Variants in FAM20B observed in about 807,000 individuals in gnomAD.
The protein encoded by FAM20B is glycosaminoglycan xylosylkinase.
Under a neutral mutation model 43.8 loss-of-function variants are expected in FAM20B, and 23 were observed. That is an observed-to-expected ratio of 0.53 (90% CI 0.38 to 0.74). The LOEUF (loss-of-function observed/expected upper bound fraction) is 0.74, where lower values mean the gene tolerates loss of function less well. Among genes scored for constraint, FAM20B ranks in the 30% least tolerant of loss-of-function variants. The probability of loss-of-function intolerance (pLI) is 0.00; values close to 1 mark genes in which losing one functional copy is unlikely to be tolerated. For synonymous variants in FAM20B, 178 were observed against 192.4 expected (o/e 0.93, Z 0.62); for missense variants, 440 against 510.5 (o/e 0.86, Z 1.33).
chr1:179,035,127 T>C (rs1650167355), intron 1 of FAM20B, among the ~76,000 whole-genome samples: 1 of 152,186 alleles, frequency 6.6e-6, no homozygotes, highest in African/African-American at 2.4e-5. Context: ...AGGCCAGGTG[T>C]TCTCATGTTC....
intron 2 of FAM20B, among the ~76,000 whole-genome samples, chr1:179,048,573 A>G (rs1650876488): frequency 6.6e-6 from 1 of 152,246 alleles, no homozygotes; most frequent in African/African-American, 2.4e-5. Flanking sequence ...TAAAGTATTC[A>G]AGGATAGCCT....
intron 1 of FAM20B, among the ~76,000 whole-genome samples, chr1:179,041,367 T>C (rs982564783): frequency 7.2e-5 from 11 of 151,980 alleles, no homozygotes; most frequent in African/African-American, 2.4e-4. Context: ...CTGGGCACCA[T>C]TGAGCACTGA....
At chr1:179,044,322 CT>C in intron 2 of FAM20B, 98 bp downstream of exon 2, 1 of 1,381,532 alleles carries the variant, frequency 7.2e-7, no homozygotes, top group Non-Finnish European at 9.8e-7. Flanking sequence ...TTGGAAGTCT[CT>C]TCAGTAAAAT....
intron 6 of FAM20B, 95 bp downstream of exon 6, chr1:179,064,591 T>C (rs1298259543): frequency 6.3e-6 from 6 of 952,100 alleles, no homozygotes; most frequent in East Asian, 5.2e-5. Flanking sequence ...CAGAATGCAA[T>C]TGATAGGCAA....
At chr1:179,027,360 G>A (rs1322462119) in intron 1 of FAM20B, among the ~76,000 whole-genome samples, 1 of 152,190 alleles carries the variant, frequency 6.6e-6, no homozygotes, top group East Asian at 1.9e-4. Flanking sequence ...TTTGAGCTAA[G>A]CTTAGAGCAC....
intron 1 of FAM20B, among the ~76,000 whole-genome samples, chr1:179,026,418 G>A (rs1167886039): frequency 6.6e-6 from 1 of 152,076 alleles, no homozygotes; most frequent in African/African-American, 2.4e-5. Context: ...GGGCCCACCT[G>A]GGGCCGCCTC....
Position 179,035,764 on chromosome 1 carries a change from C to T in FAM20B, c.-133-7951C>T, listed in dbSNP as rs903023959. The stretch of plus-strand genomic sequence containing the variant: ...CTCCCAAAACAACTTCATAGTCTTA[C>T]GTTTGCCCTTATACAATATTTATCA... On this transcript the variant is annotated intron_variant, in intron 1 of 7. Transcript: ENST00000263733. The T allele has an allele frequency of 3.9e-5, 11 of 281,552 alleles. 1 individual carries two copies. The highest frequency in any genetic ancestry group is 2.7e-4 in the South Asian group (7 of 25,982). 17.4% of individuals were successfully genotyped at this position (281,552 alleles called of 1,614,324 possible). A position where few individuals can be genotyped will look rare whatever the true frequency, so the allele number is the denominator to read the frequency against.
chr1:179,046,999 A>T (rs1650801817), intron 2 of FAM20B, among the ~76,000 whole-genome samples: 1 of 152,172 alleles, frequency 6.6e-6, no homozygotes, highest in South Asian at 2.1e-4. Flanking sequence ...CCGTCTCAAA[A>T]AAAAAGAGAT....
At chr1:179,025,206 T>A (rs1194507754), upstream of FAM20B, among the ~76,000 whole-genome samples, 1 of 152,216 alleles carries the variant, frequency 6.6e-6, no homozygotes, top group Admixed American at 6.5e-5. Context: ...GGTCGGGCAT[T>A]GGCGACCCAG....
intron 2 of FAM20B, among the ~76,000 whole-genome samples, chr1:179,049,538 A>G (rs1283851770): frequency 6.6e-6 from 1 of 152,126 alleles, no homozygotes; most frequent in Non-Finnish European, 1.5e-5. Flanking sequence ...CATTCTGGTA[A>G]GCAAAAGTTT....
At chr1:179,063,138 A>G (rs760183040) in intron 4 of FAM20B, among the ~76,000 whole-genome samples, 15 of 152,154 alleles carry the variant, frequency 9.9e-5, no homozygotes, top group Non-Finnish European at 1.8e-4. Flanking sequence ...TTAGCCAAGC[A>G]TGGTGGCATG....
chr1:179,053,724 G>T (rs1327375394), intron 3 of FAM20B, among the ~76,000 whole-genome samples: 1 of 152,168 alleles, frequency 6.6e-6, no homozygotes, highest in African/African-American at 2.4e-5. Flanking sequence ...CTGGGGAAAA[G>T]GTTCATGATA....
At chr1:179,037,079 G>C (rs887543501) in intron 1 of FAM20B, among the ~76,000 whole-genome samples, 1 of 152,234 alleles carries the variant, frequency 6.6e-6, no homozygotes, top group African/African-American at 2.4e-5. Flanking sequence ...TAACTTGGAA[G>C]CTATTTAGGA....
intron 2 of FAM20B, among the ~76,000 whole-genome samples, chr1:179,047,659 A>G (rs1374930397): frequency 6.6e-6 from 1 of 152,230 alleles, no homozygotes. Context: ...ATCAGGAAAT[A>G]TCACAGGCTG....
intron 6 of FAM20B, 31 bp downstream of exon 6, chr1:179,064,527 A>T (rs773987516): frequency 6.4e-7 from 1 of 1,568,414 alleles, no homozygotes; most frequent in Non-Finnish European, 8.7e-7. Context: ...CTTGTCAGGG[A>T]GGGGTTTCTG....
At chr1:179,019,280 G>A in the FAM20B span, among the ~76,000 whole-genome samples, 1 of 152,180 alleles carries the variant, frequency 6.6e-6, no homozygotes, top group Non-Finnish European at 1.5e-5. Context: ...CAGTGGTTGG[G>A]TGGCTGGAAG....
chr1:179,039,517 A>AT (rs533054141), intron 1 of FAM20B, among the ~76,000 whole-genome samples: 139 of 152,126 alleles, frequency 9.1e-4, no homozygotes, highest in African/African-American at 3.3e-3. Flanking sequence ...GTATGGGCAT[A>AT]TTTTTTTCCC....
At chr1:179,025,579 A>G (rs1217398010), upstream of FAM20B, among the ~76,000 whole-genome samples, 1 of 152,202 alleles carries the variant, frequency 6.6e-6, no homozygotes, top group Non-Finnish European at 1.5e-5. Flanking sequence ...GCAGGAAAGA[A>G]AAAGAGAAGA....
rs2102531775 is a variant in FAM20B, at chr1:179,072,726, T to TTTAA, written c.*583_*586dup. On this transcript the variant is annotated 3_prime_UTR_variant, in exon 8 of 8. Transcript: ENST00000263733. ...ACAAAAACAGAAAAATGTTTGGGCT[T>TTTAA]TTAAGCCATTGGGTAGTATTGTTTT... is the stretch of plus-strand genomic sequence containing the variant. 6.5e-6 allele frequency: 1 copy of TTTAA among 152,814 alleles called. No individual in the cohort carries two copies. The highest frequency in any genetic ancestry group is 2.1e-4 in the South Asian group (1 of 4,848). 9.5% of individuals were successfully genotyped at this position (152,814 alleles called of 1,614,324 possible).
Sources: gnomAD v4.1 joint callset for allele counts (sites outside exome capture counted in the v4.1 genomes callset) on GRCh38, gnomAD v4.1.1 for gene constraint, MANE v1.5 for transcripts, NCBI Gene and HGNC (gene_info 2026-07-23, HGNC 2026-07-21) for gene names.